SLC38A9: variants seen among roughly 807,000 people sequenced by gnomAD.
The protein encoded by SLC38A9 is neutral amino acid transporter 9.
In SLC38A9, 48 loss-of-function variants were observed where a neutral mutation model predicts 62.3. The ratio of observed to expected loss-of-function variants is 0.77; its 90% CI spans 0.61 to 0.98. SLC38A9 has a LOEUF of 0.98. Ranked by LOEUF, SLC38A9 falls within the 50% of genes least tolerant of loss-of-function variation. SLC38A9 has a pLI of 0.00. For synonymous variants in SLC38A9, 204 were observed against 227.7 expected (o/e 0.90, Z 0.94); for missense variants, 541 against 679.8 (o/e 0.80, Z 2.27).
chr5:55,641,107 T>G (rs1745387704), intron 12 of SLC38A9, among the ~76,000 whole-genome samples: 1 of 152,216 alleles, frequency 6.6e-6, no homozygotes, highest in Non-Finnish European at 1.5e-5. Flanking sequence ...CCCAAAGTGC[T>G]GGGATTACAG....
chr5:55,669,734 G>C, intron 5 of SLC38A9, 24 bp downstream of exon 5: 1 of 1,606,320 alleles, frequency 6.2e-7, no homozygotes, highest in Non-Finnish European at 8.5e-7. Flanking sequence ...TTTAAGTCAT[G>C]CTCCAAAAAG....
At chr5:55,641,942 A>G (rs938385160) in intron 12 of SLC38A9, among the ~76,000 whole-genome samples, 5 of 152,234 alleles carry the variant, frequency 3.3e-5, no homozygotes, top group African/African-American at 1.2e-4. Context: ...AACTGATGTA[A>G]TTTAACTAAA....
At chr5:55,681,116 G>C (rs1752940839) in intron 3 of SLC38A9, among the ~76,000 whole-genome samples, 1 of 152,206 alleles carries the variant, frequency 6.6e-6, no homozygotes, top group South Asian at 2.1e-4. Context: ...AATCTTTCTA[G>C]AAAGCAATTT....
At position 55,626,482 on chromosome 5, in the gene SLC38A9, A is replaced by C; in HGVS notation, c.*12T>G. 5 of 1,605,602 alleles carry C rather than the reference A, an allele frequency of 3.1e-6. No homozygotes were observed. Among genetic ancestry groups the C allele is most frequent in the Non-Finnish European group, 3.4e-6 (4 of 1,176,114 alleles). ...TATCATGAGAGCTCTTGAAAAAAAC[A>C]GTTGAGGTATTTCACATAAAAAACT... On this transcript the variant is annotated 3_prime_UTR_variant, in exon 16 of 16. Transcript: ENST00000396865.
chr5:55,705,302 CAAGTT>C (rs892913038), intron 2 of SLC38A9, among the ~76,000 whole-genome samples: 2 of 151,842 alleles, frequency 1.3e-5, no homozygotes, highest in African/African-American at 4.8e-5. Flanking sequence ...GAGAAAAACA[CAAGTT>C]AATAGAAGAT....
intron 3 of SLC38A9, among the ~76,000 whole-genome samples, chr5:55,679,071 A>G (rs559924643): frequency 7.1e-6 from 1 of 140,424 alleles, no homozygotes; most frequent in African/African-American, 2.6e-5. Context: ...CAATAAATCA[A>G]ATTTAAAGTT....
chr5:55,643,610 A>C (rs1745793193), intron 12 of SLC38A9, among the ~76,000 whole-genome samples: 1 of 152,202 alleles, frequency 6.6e-6, no homozygotes, highest in Admixed American at 6.5e-5. Flanking sequence ...TCTATCAATT[A>C]CTTGAAGGAG....
rs570690437 is a variant in SLC38A9 at position 55,666,771 on chromosome 5, T to G, written c.527-1908A>C. On this transcript the variant is annotated intron_variant, in intron 7 of 15. Transcript: ENST00000396865. ...TGCCAGGCACAGTGGCTCACGCCTG[T>G]AATCCCAGCACTTTGGGAGGCCGAG... Among the ~76,000 whole-genome samples, 4 of 151,010 alleles carry G rather than the reference T, an allele frequency of 2.6e-5. No individual in the cohort carries two copies. The Admixed American group carries it at 2.7e-4, about 10-fold the overall frequency.
chr5:55,674,848 C>A (rs1299322963), intron 3 of SLC38A9, among the ~76,000 whole-genome samples: 1 of 152,012 alleles, frequency 6.6e-6, no homozygotes, highest in Non-Finnish European at 1.5e-5. Flanking sequence ...TTATGATGTC[C>A]AATATAATTT....
At chr5:55,694,177 C>T (rs7728664) in intron 3 of SLC38A9, 123,590 of 216,716 alleles carry the variant, frequency 0.57, 36,573 homozygotes, top group Non-Finnish European at 0.62. Flanking sequence ...CATCACACTC[C>T]AGTGTGGGCT....
chr5:55,682,136 G>A (rs576412582), intron 3 of SLC38A9, among the ~76,000 whole-genome samples: 119 of 147,416 alleles, frequency 8.1e-4, no homozygotes, highest in Non-Finnish European at 1.4e-3. Context: ...CCATGCCAGG[G>A]AGCATCTGAA....
chr5:55,658,223 G>T (rs977938785), intron 8 of SLC38A9, among the ~76,000 whole-genome samples: 1 of 151,932 alleles, frequency 6.6e-6, no homozygotes, highest in Non-Finnish European at 1.5e-5. Context: ...GGGTAGAGTC[G>T]CATGACTGCA....
chr5:55,660,946 GT>G (rs34547571), intron 8 of SLC38A9, among the ~76,000 whole-genome samples: 90,328 of 150,546 alleles, frequency 0.6, 27,901 homozygotes, highest in South Asian at 0.7. Context: ...ATACTATTCT[GT>G]TTTTTTGTAT....
intron 2 of SLC38A9, among the ~76,000 whole-genome samples, chr5:55,704,882 A>T (rs1189871068): frequency 6.6e-6 from 1 of 152,184 alleles, no homozygotes; most frequent in South Asian, 2.1e-4. Flanking sequence ...ATTCCCTAAG[A>T]TTCATTGGTT....
rs1195752909 is a variant in SLC38A9 at position 55,672,509 on chromosome 5, T to C, written c.246+54A>G. 1.9e-6 allele frequency: 3 copies of C among 1,593,554 alleles called. No homozygotes were observed. The African/African-American group carries it at 4.0e-5, about 21-fold the overall frequency. On this transcript the variant is annotated intron_variant, in intron 4 of 15. Coordinates refer to ENST00000396865, the MANE Select transcript of SLC38A9 (RefSeq NM_173514.4). ...CTGGGAGGTGCCCTGGCTTATATTGTTCACTGTTCATTTCAACTGAATTTT... is the reference window on the plus strand; with the variant it reads ...CTGGGAGGTGCCCTGGCTTATATTGCTCACTGTTCATTTCAACTGAATTTT...
intron 7 of SLC38A9, among the ~76,000 whole-genome samples, chr5:55,667,707 GTTC>G (rs1272298309): frequency 6.6e-6 from 1 of 151,884 alleles, no homozygotes; most frequent in Admixed American, 6.6e-5. Context: ...ATTGGTGGAA[GTTC>G]TTCTTTTTAT....
chr5:55,698,565 C>T (rs1476159383), intron 2 of SLC38A9, among the ~76,000 whole-genome samples: 1 of 152,184 alleles, frequency 6.6e-6, no homozygotes, highest in African/African-American at 2.4e-5. Flanking sequence ...ACTATAAAGA[C>T]CTTTGCAATA....
chr5:55,705,599 T>A (rs1173947522), intron 2 of SLC38A9, among the ~76,000 whole-genome samples: 1 of 152,174 alleles, frequency 6.6e-6, no homozygotes, highest in African/African-American at 2.4e-5. Flanking sequence ...ATGTCTGCCT[T>A]AAAAAGGAGG....
At chr5:55,646,714 A>G (rs908130085) in intron 11 of SLC38A9, among the ~76,000 whole-genome samples, 3 of 152,048 alleles carry the variant, frequency 2.0e-5, no homozygotes, top group African/African-American at 7.2e-5. Flanking sequence ...TTTTTTCCCT[A>G]TGATTGAAAT....
Sources: allele counts gnomAD v4.1 joint callset (sites outside exome capture counted in the v4.1 genomes callset), GRCh38; gene constraint gnomAD v4.1.1; transcripts MANE v1.5; gene names NCBI Gene and HGNC (gene_info 2026-07-23, HGNC 2026-07-21).